CRYZL1: variants seen among roughly 807,000 people sequenced by gnomAD.
CRYZL1 encodes ferry endosomal RAB5 effector complex subunit 4.
Under a neutral mutation model 50.6 loss-of-function variants are expected in CRYZL1, and 34 were observed. The ratio of observed to expected loss-of-function variants is 0.67; its 90% CI spans 0.51 to 0.89. The LOEUF (loss-of-function observed/expected upper bound fraction) is 0.89. Ranked by LOEUF, CRYZL1 falls within the 40% of genes least tolerant of loss-of-function variation. The probability of loss-of-function intolerance (pLI) is 0.00; values close to 1 mark genes in which losing one functional copy is unlikely to be tolerated. For missense variants in CRYZL1, 354 were observed against 402.3 expected, an observed-to-expected ratio of 0.88 and a Z score of 1.03; for synonymous variants, 125 against 134.3, an observed-to-expected ratio of 0.93 and a Z score of 0.48.
At chr21:33,625,214 G>T (rs1355150616) in intron 2 of CRYZL1, among the ~76,000 whole-genome samples, 1 of 150,948 alleles carries the variant, frequency 6.6e-6, no homozygotes, top group African/African-American at 2.4e-5. Context: ...GGAGTGCGGT[G>T]GCGCGATCTC....
At chr21:33,639,349 C>G (rs1226467841) in intron 1 of CRYZL1, among the ~76,000 whole-genome samples, 1 of 152,188 alleles carries the variant, frequency 6.6e-6, no homozygotes, top group South Asian at 2.1e-4. Context: ...TGATCCAGAA[C>G]AACAGAAACT....
chr21:33,604,139 G>C (rs570166181), intron 6 of CRYZL1, among the ~76,000 whole-genome samples: 12 of 151,418 alleles, frequency 7.9e-5, no homozygotes, highest in African/African-American at 2.9e-4. Flanking sequence ...AGGCCGAGGC[G>C]GGCGGATCAC....
intron 1 of CRYZL1, among the ~76,000 whole-genome samples, chr21:33,632,806 C>G (rs1272745714): frequency 6.6e-6 from 1 of 152,140 alleles, no homozygotes; most frequent in Non-Finnish European, 1.5e-5. Context: ...TACACAAATC[C>G]TTGAAGCGCA....
chr21:33,595,570 C>G, intron 11 of CRYZL1, 161 bp downstream of exon 11: 1 of 1,326,894 alleles, frequency 7.5e-7, no homozygotes. Context: ...TCTCAAAAGG[C>G]TGTTTTAATG....
chr21:33,638,662 CA>C (rs1373507146), intron 1 of CRYZL1, among the ~76,000 whole-genome samples: 5 of 152,226 alleles, frequency 3.3e-5, no homozygotes, highest in Non-Finnish European at 5.9e-5. Context: ...TTGCTGTGCA[CA>C]ACTGCAGTGC....
In CRYZL1 at chr21:33,589,930, G is replaced by A. The variant is rs2086625204; in HGVS notation, c.951-9C>T. On this transcript the variant is annotated splice_polypyrimidine_tract_variant and intron_variant, in intron 12 of 12. Transcript: ENST00000381554. Reference sequence around the variant, plus strand: ...GTTCATCCAACTGAGGTCTGAGAAGGAATGAAATTAGAAATGTCAGGTCTA... The same window carrying A: ...GTTCATCCAACTGAGGTCTGAGAAGAAATGAAATTAGAAATGTCAGGTCTA... 6.5e-6 allele frequency: 10 copies of A among 1,531,630 alleles called. No homozygotes were observed. The East Asian group carries it at 2.3e-4, about 35-fold the overall frequency. 94.9% of individuals were successfully genotyped at this position (1,531,630 alleles called of 1,614,324 possible).
At chr21:33,613,156 T>G (rs2086891198) in intron 6 of CRYZL1, among the ~76,000 whole-genome samples, 1 of 152,174 alleles carries the variant, frequency 6.6e-6, no homozygotes, top group African/African-American at 2.4e-5. Context: ...CTTTCCCGTC[T>G]CAAACTCTCC....
intron 7 of CRYZL1, 72 bp downstream of exon 7, chr21:33,603,332 G>T: frequency 6.4e-7 from 1 of 1,556,206 alleles, no homozygotes. Context: ...TTAGCAAATG[G>T]ATGGCTCATT....
chr21:33,590,156 T>TA (rs2086629218), intron 12 of CRYZL1, among the ~76,000 whole-genome samples: 1 of 152,080 alleles, frequency 6.6e-6, no homozygotes, highest in Non-Finnish European at 1.5e-5. Context: ...TAGCTGGGAT[T>TA]ACAGGCATGC....
intron 2 of CRYZL1, among the ~76,000 whole-genome samples, chr21:33,625,453 C>T (rs1040761098): frequency 6.6e-6 from 1 of 152,058 alleles, no homozygotes; most frequent in African/African-American, 2.4e-5. Flanking sequence ...CCACGCCCAG[C>T]AGGCCTTTAC....
At chr21:33,639,194 T>C (rs2087247303) in intron 1 of CRYZL1, among the ~76,000 whole-genome samples, 1 of 152,184 alleles carries the variant, frequency 6.6e-6, no homozygotes, top group Non-Finnish European at 1.5e-5. Context: ...TCAGGTGGCA[T>C]TTTGACTTAA....
chr21:33,599,988 A>C (rs918821873), intron 8 of CRYZL1, among the ~76,000 whole-genome samples: 1 of 152,132 alleles, frequency 6.6e-6, no homozygotes, highest in Non-Finnish European at 1.5e-5. Flanking sequence ...GAGCTAAAAA[A>C]CATAAAAATA....
intron 1 of CRYZL1, chr21:33,640,163 C>T: frequency 6.5e-7 from 1 of 1,548,568 alleles, no homozygotes; most frequent in Non-Finnish European, 8.7e-7. Flanking sequence ...ATAAAACTCT[C>T]CTGAGCTCAA....
chr21:33,632,667 C>T (rs865787514), intron 1 of CRYZL1, among the ~76,000 whole-genome samples: 9 of 152,282 alleles, frequency 5.9e-5, no homozygotes, highest in Middle Eastern at 3.4e-3. Context: ...CATGAGTCAC[C>T]GCGCCCGGCT....
intron 5 of CRYZL1, among the ~76,000 whole-genome samples, chr21:33,615,563 G>A (rs1271322830): frequency 6.6e-6 from 1 of 152,100 alleles, no homozygotes; most frequent in Non-Finnish European, 1.5e-5. Context: ...GCCTATGTTT[G>A]TGTGACTGTC....
intron 11 of CRYZL1, among the ~76,000 whole-genome samples, chr21:33,592,496 G>A (rs1478556672): frequency 6.6e-6 from 1 of 152,034 alleles, no homozygotes; most frequent in Non-Finnish European, 1.5e-5. Context: ...TCAGATACAG[G>A]GGGCTGATCG....
At chr21:33,598,604 G>A (rs1187539263) in intron 9 of CRYZL1, among the ~76,000 whole-genome samples, 2 of 152,152 alleles carry the variant, frequency 1.3e-5, no homozygotes, top group Non-Finnish European at 2.9e-5. Context: ...ACAGCAGATG[G>A]GACTGAAAAG....
At position 33,631,466 on chromosome 21, in the gene CRYZL1, G is replaced by A; in HGVS notation, c.66+20C>T. The A allele has an allele frequency of 6.8e-7, 1 of 1,476,196 alleles. No homozygotes were observed. The allele number at this position is 1,476,196 out of a possible 1,614,324, so 91.4% of individuals were successfully genotyped here. A position where few individuals can be genotyped will look rare whatever the true frequency, so the allele number is the denominator to read the frequency against. On this transcript the variant is annotated intron_variant, in intron 2 of 12. Coordinates refer to ENST00000381554, the MANE Select transcript of CRYZL1 (RefSeq NM_145858.3). Reference sequence around the variant, plus strand: ...ATAAAAATACACTAACTACTTTAATGATTAAACATTTTTTCTTACCTTTTC... The same window carrying A: ...ATAAAAATACACTAACTACTTTAATAATTAAACATTTTTTCTTACCTTTTC...
intron 7 of CRYZL1, among the ~76,000 whole-genome samples, 163 bp from the exon 8 acceptor site, chr21:33,602,508 T>A (rs2086767337): frequency 6.6e-6 from 1 of 152,190 alleles, no homozygotes; most frequent in African/African-American, 2.4e-5. Flanking sequence ...GCAAGTTTAA[T>A]AGGGGAAATA....
Sources: allele counts gnomAD v4.1 joint callset (sites outside exome capture counted in the v4.1 genomes callset), GRCh38; gene constraint gnomAD v4.1.1; transcripts MANE v1.5; gene names NCBI Gene and HGNC (gene_info 2026-07-23, HGNC 2026-07-21).